The following ANKFY1 variants were observed in gnomAD, a reference collection of about 807,000 sequenced individuals.
The protein encoded by ANKFY1 is ankyrin repeat and FYVE domain containing 1, also known as ankyrin repeat and FYVE domain-containing protein 1.
In ANKFY1, 47 loss-of-function variants were observed where a neutral mutation model predicts 128.3. The ratio of observed to expected loss-of-function variants is 0.37; its 90% CI spans 0.29 to 0.47. The LOEUF is 0.47. Ranked by LOEUF, ANKFY1 falls within the 20% of genes least tolerant of loss-of-function variation. The pLI, the probability that ANKFY1 is intolerant of heterozygous loss-of-function variation, is 1.00. For synonymous variants in ANKFY1, 553 were observed against 601.6 expected, an observed-to-expected ratio of 0.92 and a Z score of 1.18; for missense variants, 1,222 against 1,510.6, an observed-to-expected ratio of 0.81 and a Z score of 3.17.
chr17:4,171,976 A>G (rs1206681902), intron 22 of ANKFY1, among the ~76,000 whole-genome samples: 11 of 152,102 alleles, frequency 7.2e-5, no homozygotes, highest in Admixed American at 3.9e-4. Context: ...GGATACAACT[A>G]TGCACTGCTT....
Sources: gnomAD v4.1 joint callset for allele counts (sites outside exome capture counted in the v4.1 genomes callset) on GRCh38, gnomAD v4.1.1 for gene constraint, MANE v1.5 for transcripts, NCBI Gene and HGNC (gene_info 2026-07-23, HGNC 2026-07-21) for gene names.